CPEB4: variants seen among roughly 807,000 people sequenced by gnomAD.
The protein encoded by CPEB4 is cytoplasmic polyadenylation element binding protein 4, also known as cytoplasmic polyadenylation element-binding protein 4.
CPEB4 carries 12 observed loss-of-function variants against 72.5 expected under a neutral mutation model. That is an observed-to-expected ratio of 0.17 (90% confidence interval 0.11 to 0.27). The LOEUF (loss-of-function observed/expected upper bound fraction) is 0.27. Ranked by LOEUF, CPEB4 falls within the 10% of genes least tolerant of loss-of-function variation. CPEB4 has a pLI of 1.00. For missense variants in CPEB4, 614 were observed against 908.5 expected (o/e 0.68, Z 4.17); for synonymous variants, 302 against 326.3 (o/e 0.93, Z 0.80).
intron 3 of CPEB4, among the ~76,000 whole-genome samples, chr5:173,935,556 T>A (rs934097665): frequency 6.6e-6 from 1 of 152,234 alleles, no homozygotes; most frequent in African/African-American, 2.4e-5. Context: ...AAGTTATCTG[T>A]TGAAAGCCGT....
chr5:173,900,113 GGTT>G lies in CPEB4; in HGVS notation c.1125+9258_1125+9260del, dbSNP rs1756171567. Among the ~76,000 whole-genome samples, 1 of 152,092 alleles carries G rather than the reference GGTT, an allele frequency of 6.6e-6. No homozygotes were observed. The highest frequency in any genetic ancestry group is 1.5e-5 in the Non-Finnish European group (1 of 68,016). ...ACATAAGCTTCAGTTTAGGAATAAA[GGTT>G]GTGCATTGGCCAGGTGTGGTGGCTC... On this transcript the variant is annotated intron_variant, in intron 1 of 9. Coordinates refer to ENST00000265085, the MANE Select transcript of CPEB4 (RefSeq NM_030627.4). The surrounding 1 kb of genome is among the most constrained non-coding windows in gnomAD (Gnocchi z 4.4).
chr5:173,946,140 T>C (rs17696147), intron 5 of CPEB4, among the ~76,000 whole-genome samples: 33,769 of 152,094 alleles, frequency 0.22, 4,965 homozygotes, highest in Non-Finnish European at 0.31. Flanking sequence ...TTTTGGAAGG[T>C]TGAGACAGAA....
chr5:173,938,446 G>A (rs1276599733), intron 3 of CPEB4, among the ~76,000 whole-genome samples: 8 of 152,056 alleles, frequency 5.3e-5, no homozygotes, highest in East Asian at 1.9e-4. Flanking sequence ...GGCTGGTCTC[G>A]AACTCCTGAC....
At chr5:173,952,574 T>C (rs1337748982) in intron 8 of CPEB4, among the ~76,000 whole-genome samples, 1 of 152,222 alleles carries the variant, frequency 6.6e-6, no homozygotes, top group African/African-American at 2.4e-5. Flanking sequence ...ATGCAGTCAT[T>C]ATTTCAAGGT....
chr5:173,937,689 GTGAC>G (rs1206759504), intron 3 of CPEB4, among the ~76,000 whole-genome samples: 1 of 152,192 alleles, frequency 6.6e-6, no homozygotes, highest in African/African-American at 2.4e-5. Flanking sequence ...TATTGAGTAT[GTGAC>G]TGACCATTAC....
intron 5 of CPEB4, among the ~76,000 whole-genome samples, chr5:173,948,849 G>C (rs1758123363): frequency 6.6e-6 from 1 of 151,994 alleles, no homozygotes; most frequent in Admixed American, 6.6e-5. Flanking sequence ...TCTTTTATAA[G>C]GGCACTAATC....
intron 2 of CPEB4, among the ~76,000 whole-genome samples, chr5:173,921,669 G>C (rs189867468): frequency 6.6e-6 from 1 of 152,176 alleles, no homozygotes; most frequent in African/African-American, 2.4e-5. Context: ...TTGTTAGGAG[G>C]GGGAGGCAAG....
chr5:173,938,723 T>C (rs192081064), intron 3 of CPEB4, among the ~76,000 whole-genome samples: 3 of 152,364 alleles, frequency 2.0e-5, no homozygotes, highest in African/African-American at 7.2e-5. Flanking sequence ...TTATCCTTCA[T>C]GGCCTAAAGT....
chr5:173,909,772 G>T (rs753797249), intron 1 of CPEB4, among the ~76,000 whole-genome samples: 55 of 152,152 alleles, frequency 3.6e-4, no homozygotes, highest in Admixed American at 4.6e-4. Flanking sequence ...GGCTAGGCAG[G>T]TGGATCCTTT....
At chr5:173,903,552 C>CAT in intron 1 of CPEB4, among the ~76,000 whole-genome samples, 1 of 152,254 alleles carries the variant, frequency 6.6e-6, no homozygotes, top group South Asian at 2.1e-4. Context: ...GGGATGGACC[C>CAT]AGTAATCTGT....
intron 3 of CPEB4, among the ~76,000 whole-genome samples, chr5:173,942,278 G>A (rs1375884749): frequency 6.6e-6 from 1 of 152,248 alleles, no homozygotes; most frequent in Admixed American, 6.5e-5. Flanking sequence ...TAGAATTGAG[G>A]TGTTTGGACA....
In CPEB4 at chr5:173,888,898, C is replaced by T. The variant is rs1755703884; in HGVS notation, c.-836C>T. On this transcript the variant is annotated 5_prime_UTR_variant, in exon 1 of 10. Transcript: ENST00000265085. This position sits in a 1 kb window ranked among gnomAD's most constrained non-coding sequence, Gnocchi z 4.3. ...CGCTAATCCCTCCTGATCGCGACCC[C>T]CGCAAGAGGGAGAAACGGGTGTTTC... 2 of 208,888 alleles carry T rather than the reference C, an allele frequency of 9.6e-6. No homozygotes were observed. Among genetic ancestry groups the T allele is most frequent in the Non-Finnish European group, 1.9e-5 (2 of 105,332 alleles). 12.9% of individuals were successfully genotyped at this position (208,888 alleles called of 1,614,324 possible).
In CPEB4 at chr5:173,900,023, C is replaced by G. The variant is rs11960879; in HGVS notation, c.1125+9165C>G. On this transcript the variant is annotated intron_variant, in intron 1 of 9. Transcript: ENST00000265085. The surrounding 1 kb of genome is among the most constrained non-coding windows in gnomAD (Gnocchi z 4.4). ...TTGTGAGAGTCTGGAAATGTGGAGG[C>G]TGGGCACAAGCTGCCTTTTGAGATC... Among the ~76,000 whole-genome samples the G allele has an allele frequency of 0.15, 23,530 of 151,910 alleles. 2,038 individuals carry two copies. Among genetic ancestry groups the G allele is most frequent in the South Asian group, 0.31 (1,473 of 4,806 alleles).
chr5:173,918,030 CT>C (rs1403754220), intron 2 of CPEB4, among the ~76,000 whole-genome samples: 1 of 152,160 alleles, frequency 6.6e-6, no homozygotes, highest in African/African-American at 2.4e-5. Flanking sequence ...AGAAAGTTGC[CT>C]TAATTCTCAA....
chr5:173,958,673 G>A lies in CPEB4; in HGVS notation c.*2536G>A, dbSNP rs551640489. The A allele has an allele frequency of 2.7e-5, 4 of 149,802 alleles. No individual in the cohort carries two copies. In the East Asian group the frequency reaches 7.5e-4, roughly 28 times the overall value. The allele number at this position is 149,802 out of a possible 1,614,324, so 9.3% of individuals were successfully genotyped here. Reference sequence around the variant, plus strand: ...GAAAAAAATTCGCATGAAAATGACAGATAACACTGTAGTTCCTAAAAAAAA... The same window carrying A: ...GAAAAAAATTCGCATGAAAATGACAAATAACACTGTAGTTCCTAAAAAAAA... On this transcript the variant is annotated 3_prime_UTR_variant, in exon 10 of 10. Transcript: ENST00000265085.
intron 2 of CPEB4, among the ~76,000 whole-genome samples, chr5:173,928,651 T>G (rs1757333074): frequency 6.6e-6 from 1 of 152,138 alleles, no homozygotes; most frequent in South Asian, 2.1e-4. Context: ...ATAGAAAAGC[T>G]ATAGAAACTT....
At chr5:173,938,924 G>T (rs1757727895) in intron 3 of CPEB4, among the ~76,000 whole-genome samples, 1 of 152,136 alleles carries the variant, frequency 6.6e-6, no homozygotes, top group Non-Finnish European at 1.5e-5. Flanking sequence ...GATAAAACAA[G>T]AAGTGAATGC....
chr5:173,917,101 G>A (rs359414), intron 2 of CPEB4, among the ~76,000 whole-genome samples: 96,680 of 151,938 alleles, frequency 0.64, 31,780 homozygotes, highest in Non-Finnish European at 0.72. Context: ...AAATAGCTCT[G>A]GAAACCTGCT....
chr5:173,949,712 T>C (rs1758151312), intron 6 of CPEB4, 115 bp downstream of exon 6: 5 of 739,336 alleles, frequency 6.8e-6, no homozygotes, highest in Non-Finnish European at 8.8e-6. Flanking sequence ...ACTTGCATTT[T>C]CCCAAATGCT....
Sources: gnomAD v4.1 joint callset for allele counts (sites outside exome capture counted in the v4.1 genomes callset) on GRCh38, gnomAD v4.1.1 for gene constraint, Gnocchi (gnomAD v3.1) non-coding constraint, MANE v1.5 for transcripts, NCBI Gene and HGNC (gene_info 2026-07-23, HGNC 2026-07-21) for gene names.